The following ALAD variants were observed in gnomAD, a reference collection of about 807,000 sequenced individuals.
The protein encoded by ALAD is delta-aminolevulinic acid dehydratase.
A neutral mutation model predicts 44.4 loss-of-function variants in ALAD; 20 were observed. The ratio of observed to expected loss-of-function variants is 0.45; its 90% confidence interval spans 0.32 to 0.65. The LOEUF is 0.65. Ranked by LOEUF, ALAD falls within the 30% of genes least tolerant of loss-of-function variation. The pLI is 0.05. For missense variants in ALAD, 323 were observed against 445.7 expected (o/e 0.72, Z 2.48); for synonymous variants, 156 against 167.9 (o/e 0.93, Z 0.55).
At chr9:113,392,963 A>G (rs919863044) in intron 2 of ALAD, among the ~76,000 whole-genome samples, 2 of 151,744 alleles carry the variant, frequency 1.3e-5, no homozygotes, top group Non-Finnish European at 2.9e-5. Flanking sequence ...GACTACAGGC[A>G]CCCGCCACCA....
chr9:113,393,624 G>T lies in ALAD; in HGVS notation c.-65C>A. ...ACCGAGGGCTCCTGGGGCATTGGCT[G>T]CAGGCTCTGTCTGTGGGGGGTGATG... is the stretch of plus-strand genomic sequence containing the variant. On this transcript the variant is annotated 5_prime_UTR_variant, in exon 2 of 12. Transcript: ENST00000409155. 1 of 1,348,650 alleles carries T rather than the reference G, an allele frequency of 7.4e-7. No homozygotes were observed. The highest frequency in any genetic ancestry group is 1.1e-6 in the Non-Finnish European group (1 of 941,092). The allele number at this position is 1,348,650 out of a possible 1,614,324, so 83.5% of individuals were successfully genotyped here. A position where few individuals can be genotyped will look rare whatever the true frequency, so the allele number is the denominator to read the frequency against.
chr9:113,399,551 GTC>G, intron 1 of ALAD, among the ~76,000 whole-genome samples: 1 of 152,190 alleles, frequency 6.6e-6, no homozygotes, highest in Non-Finnish European at 1.5e-5. Flanking sequence ...GAGGGACTGT[GTC>G]TCTGAGTCAA....
rs960362359 is a variant in ALAD, at chr9:113,387,909, G to T, written c.*391C>A. ...GCTCTGCTGCCAGAAGCGTTCCAAG[G>T]CTTCTCAGGCCCCAAGATCCCACTG... On this transcript the variant is annotated 3_prime_UTR_variant, in exon 12 of 12. Transcript: ENST00000409155. 7 of 313,086 alleles carry T rather than the reference G, an allele frequency of 2.2e-5. No homozygotes were observed. Among genetic ancestry groups the T allele is most frequent in the Non-Finnish European group, 4.4e-5 (7 of 158,082 alleles). 19.4% of individuals were successfully genotyped at this position (313,086 alleles called of 1,614,324 possible).
rs1183833152 is a variant in ALAD at position 113,389,597 on chromosome 9, A to C, written c.714+2T>G. 1.2e-6 allele frequency: 2 copies of C among 1,614,078 alleles called. No homozygotes were observed. Among genetic ancestry groups the C allele is most frequent in the Non-Finnish European group, 1.7e-6 (2 of 1,180,016 alleles). The stretch of plus-strand genomic sequence containing the variant: ...GGTGGGGCTCAAGTCCTAGTCACTC[A>C]CCACAGCTCGGAGAGCCAGGCCTCG... On this transcript the variant is annotated splice_donor_variant, in intron 9 of 11. Transcript: ENST00000409155. LOFTEE classifies it high-confidence loss of function.
chr9:113,396,544 G>A (rs1827733413), intron 1 of ALAD: 1 of 153,150 alleles, frequency 6.5e-6, no homozygotes, highest in African/African-American at 2.4e-5. Flanking sequence ...CTGTTTTGAG[G>A]AGCTGAGGCA....
Position 113,389,630 on chromosome 9 carries a change from G to A in ALAD, c.683C>T (p.Pro228Leu). 1 of 1,614,208 alleles carries A rather than the reference G, an allele frequency of 6.2e-7. No individual in the cohort carries two copies. The highest frequency in any genetic ancestry group is 8.5e-7 in the Non-Finnish European group (1 of 1,180,038). Residue 228 changes from proline (P) to leucine (L), a missense_variant, in exon 9 of 12, where the codon CCT (proline) becomes CTT (leucine). Transcript: ENST00000409155. Reference sequence around the variant, plus strand: ...TCGGAGAGCCAGGCCTCGTGCTCCAGGGGGCAGCTGGTAGCAGCGGCGGTC... The same window carrying A: ...TCGGAGAGCCAGGCCTCGTGCTCCAAGGGGCAGCTGGTAGCAGCGGCGGTC... ...FGDRRCYQLP[P>L]GARGLALRAV...
intron 11 of ALAD, 115 bp downstream of exon 11, chr9:113,388,862 A>G: frequency 1.3e-6 from 2 of 1,487,930 alleles, no homozygotes; most frequent in Admixed American, 3.4e-5. Flanking sequence ...TGTTTAGATC[A>G]CTAGTAATTC....
In ALAD at chr9:113,390,876, G is replaced by C. The variant is rs1409414410; in HGVS notation, c.319C>G (p.Leu107Val). Residue 107 changes from leucine to valine, a missense_variant, in exon 5 of 12, where the codon CTG becomes GTG. Coordinates refer to ENST00000409155, the MANE Select transcript of ALAD (RefSeq NM_000031.6). ...AGGTTGGGGAAGGTCTTCCTCAACA[G>C]ATGGATTGCCTCAATAGCTGGGGAC... The part of the protein sequence containing the change: ...EESPAIEAIH[L>V]LRKTFPNLLV... 6.2e-7 allele frequency: 1 copy of C among 1,614,200 alleles called. No individual in the cohort carries two copies. The highest frequency in any genetic ancestry group is 1.3e-5 in the African/African-American group (1 of 75,076).
intron 10 of ALAD, 80 bp downstream of exon 10, chr9:113,389,358 T>C: frequency 6.5e-7 from 1 of 1,546,936 alleles, no homozygotes; most frequent in Non-Finnish European, 8.9e-7. Context: ...GGCAAACTGC[T>C]TCCAACTCTG....
Position 113,386,670 on chromosome 9 carries a change from A to T in ALAD, c.*1630T>A, listed in dbSNP as rs1289034112. The T allele has an allele frequency of 6.6e-6, 1 of 152,202 alleles. No individual in the cohort carries two copies. The highest frequency in any genetic ancestry group is 1.5e-5 in the Non-Finnish European group (1 of 68,044). 9.4% of individuals were successfully genotyped at this position (152,202 alleles called of 1,614,324 possible). ...GGCAGAGGCCTTGGAGTTGGACTAC[A>T]TGGGTTCAAATCCCAGCTTGGCTGT... On this transcript the variant is annotated 3_prime_UTR_variant, in exon 12 of 12. Transcript: ENST00000409155.
chr9:113,388,917 G>C, intron 11 of ALAD, 60 bp downstream of exon 11: 1 of 1,612,914 alleles, frequency 6.2e-7, no homozygotes, highest in Admixed American at 1.7e-5. Flanking sequence ...CCCCAATCTA[G>C]GCAGAGTGCT....
chr9:113,392,007 GTC>G, intron 3 of ALAD, 110 bp downstream of exon 3: 1 of 1,093,376 alleles, frequency 9.1e-7, no homozygotes, highest in Non-Finnish European at 1.4e-6. Context: ...CTGAGCTAAT[GTC>G]TGTCTGTCCG....
intron 2 of ALAD, chr9:113,393,213 C>T: frequency 1.7e-6 from 1 of 579,476 alleles, no homozygotes; most frequent in South Asian, 2.0e-5. Flanking sequence ...GGATGGCAGG[C>T]AAGGGTTATT....
intron 1 of ALAD, among the ~76,000 whole-genome samples, chr9:113,397,703 C>A (rs1341174037): frequency 1.4e-5 from 2 of 147,336 alleles, no homozygotes; most frequent in African/African-American, 5.0e-5. Context: ...CGGCTCACTG[C>A]AACCTCCACC....
At chr9:113,398,424 T>C (rs914183112) in intron 1 of ALAD, among the ~76,000 whole-genome samples, 1 of 152,168 alleles carries the variant, frequency 6.6e-6, no homozygotes, top group Non-Finnish European at 1.5e-5. Flanking sequence ...CCATCGCTTT[T>C]AGGAGGCTGA....
chr9:113,388,375 GAT>G lies in ALAD; in HGVS notation c.932-16_932-15del. 6.2e-7 allele frequency: 1 copy of G among 1,613,700 alleles called. No homozygotes were observed. The highest frequency in any genetic ancestry group is 2.2e-5 in the East Asian group (1 of 44,878). On this transcript the variant is annotated splice_polypyrimidine_tract_variant and intron_variant, in intron 11 of 11. Coordinates refer to ENST00000409155, the MANE Select transcript of ALAD (RefSeq NM_000031.6). ...TGATGTCAGCACCTGTGTTGGGAGAGATGCAGAAAGTTGCTGGGGGGACGCTG... is the reference window on the plus strand; with the variant it reads ...TGATGTCAGCACCTGTGTTGGGAGAGGCAGAAAGTTGCTGGGGGGACGCTG...
chr9:113,388,213 T>C lies in ALAD; in HGVS notation c.*87A>G. The C allele has an allele frequency of 2.8e-6, 4 of 1,415,818 alleles. No homozygotes were observed. Among genetic ancestry groups the C allele is most frequent in the Non-Finnish European group, 4.0e-6 (4 of 999,954 alleles). The allele number at this position is 1,415,818 out of a possible 1,614,324, so 87.7% of individuals were successfully genotyped here. On this transcript the variant is annotated 3_prime_UTR_variant, in exon 12 of 12. Coordinates refer to ENST00000409155, the MANE Select transcript of ALAD (RefSeq NM_000031.6). ...GGAAGAGGGCATGAGGGCACAGTTC[T>C]AAAAGCAGCATTTACTTTGGTTTTC...
rs554498577 is a variant in ALAD, at chr9:113,399,778, G to A, written c.-76+1434C>T. Among the ~76,000 whole-genome samples, 191 of 152,174 alleles carry A rather than the reference G, an allele frequency of 1.3e-3. 1 individual carries two copies. The highest frequency in any genetic ancestry group is 4.4e-3 in the African/African-American group (184 of 41,516). On this transcript the variant is annotated intron_variant, in intron 1 of 11. Transcript: ENST00000409155. ...AGGATTCCAGAGGCTGTGGGTCTTCGCACAGAGGCTTAGGACCTGCTGCCA... is the reference window on the plus strand; with the variant it reads ...AGGATTCCAGAGGCTGTGGGTCTTCACACAGAGGCTTAGGACCTGCTGCCA...
chr9:113,398,052 C>T (rs1424154327), intron 1 of ALAD: 2 of 152,192 alleles, frequency 1.3e-5, no homozygotes, highest in African/African-American at 2.4e-5. Context: ...GTTTTATATA[C>T]TGTATTTCAT....
Sources: gnomAD v4.1 joint callset for allele counts (sites outside exome capture counted in the v4.1 genomes callset) on GRCh38, gnomAD v4.1.1 for gene constraint, MANE v1.5 for transcripts, NCBI Gene and HGNC (gene_info 2026-07-23, HGNC 2026-07-21) for gene names.